The following FRMD4A variants were observed in gnomAD, a reference collection of about 807,000 sequenced individuals.
FRMD4A encodes the protein FERM domain containing 4A, also known as FERM domain-containing protein 4A.
In FRMD4A, 29 loss-of-function variants were observed where a neutral mutation model predicts 129.1. The ratio of observed to expected loss-of-function variants is 0.22; its 90% confidence interval spans 0.17 to 0.31. The LOEUF (loss-of-function observed/expected upper bound fraction) is 0.31. FRMD4A is among the 10% of genes least tolerant of loss of function. The pLI, the probability that FRMD4A is intolerant of heterozygous loss-of-function variation, is 1.00. For synonymous variants in FRMD4A, 634 were observed against 571.6 expected (o/e 1.11, Z -1.56); for missense variants, 1,272 against 1,375.8 (o/e 0.92, Z 1.19).
At chr10:13,809,085 A>G (rs1429019406) in intron 4 of FRMD4A, among the ~76,000 whole-genome samples, 1 of 152,206 alleles carries the variant, frequency 6.6e-6, no homozygotes, top group Non-Finnish European at 1.5e-5. Context: ...GGGGAAGCTG[A>G]ACTTGGGTGT....
chr10:13,979,306 T>A (rs138544365), intron 2 of FRMD4A, among the ~76,000 whole-genome samples: 8 of 152,236 alleles, frequency 5.3e-5, no homozygotes, highest in African/African-American at 1.9e-4. Flanking sequence ...GAGGTCTGCT[T>A]GCTTGAGAAA....
chr10:14,153,069 C>G (rs1589086548), intron 2 of FRMD4A, among the ~76,000 whole-genome samples: 1 of 152,326 alleles, frequency 6.6e-6, no homozygotes, highest in South Asian at 2.1e-4. Flanking sequence ...AGCTGCCCTA[C>G]TGCCCTACTG....
intron 4 of FRMD4A, among the ~76,000 whole-genome samples, chr10:13,801,256 G>A (rs2093248037): frequency 6.6e-6 from 1 of 151,908 alleles, no homozygotes; most frequent in South Asian, 2.1e-4. Flanking sequence ...ACTGACAACA[G>A]AGTGGGGCCC....
chr10:13,878,222 CA>C lies in FRMD4A; in HGVS notation c.46-19311del, dbSNP rs34559071. Reference sequence around the variant, plus strand: ...TAATTACTGTGTTGACTACTTGTAGCAAAAAAAAAAAAAAAAAAAAAGCTGA... The same window carrying C: ...TAATTACTGTGTTGACTACTTGTAGCAAAAAAAAAAAAAAAAAAAAGCTGA... On this transcript the variant is annotated intron_variant, in intron 2 of 24. Coordinates refer to ENST00000357447, the MANE Select transcript of FRMD4A (RefSeq NM_018027.5). Among the ~76,000 whole-genome samples the C allele has an allele frequency of 9.4e-3, 855 of 91,324 alleles. 4 individuals carry two copies. Among genetic ancestry groups the C allele is most frequent in the South Asian group, 0.019 (43 of 2,216 alleles). 59.9% of individuals were successfully genotyped at this position (91,324 alleles called of 152,430 possible). A position where few individuals can be genotyped will look rare whatever the true frequency, so the allele number is the denominator to read the frequency against.
In FRMD4A at chr10:14,291,839, A is replaced by G. The variant is rs548085905; in HGVS notation, c.45+38219T>C. ...ATATAGGAATTGGAATTATATTATT[A>G]TTAATATAAAACTCAAAAGAATTAG... On this transcript the variant is annotated intron_variant, in intron 2 of 24. Coordinates refer to ENST00000357447, the MANE Select transcript of FRMD4A (RefSeq NM_018027.5). 2.6e-5 allele frequency among the ~76,000 whole-genome samples: 4 copies of G among 151,968 alleles called. No homozygotes were observed. In the South Asian group the frequency reaches 8.3e-4, roughly 31 times the overall value.
At chr10:13,974,240 T>C (rs1470489172) in intron 2 of FRMD4A, among the ~76,000 whole-genome samples, 1 of 152,174 alleles carries the variant, frequency 6.6e-6, no homozygotes, top group Non-Finnish European at 1.5e-5. Context: ...AGTATAAAGG[T>C]GCTATAATAA....
chr10:13,659,875 A>AC (rs1564539712), intron 20 of FRMD4A, among the ~76,000 whole-genome samples: 1 of 148,862 alleles, frequency 6.7e-6, no homozygotes, highest in African/African-American at 2.5e-5. Flanking sequence ...CCCAAAAAAA[A>AC]CCTCCCTACA....
chr10:13,690,997 T>C (rs2085634443), intron 15 of FRMD4A, among the ~76,000 whole-genome samples: 1 of 152,162 alleles, frequency 6.6e-6, no homozygotes, highest in African/African-American at 2.4e-5. Context: ...TTTGTGTGTG[T>C]GTGTGAGAGA....
At chr10:13,914,309 T>C (rs2094976171) in intron 2 of FRMD4A, among the ~76,000 whole-genome samples, 1 of 152,206 alleles carries the variant, frequency 6.6e-6, no homozygotes, top group East Asian at 1.9e-4. Flanking sequence ...ATACAAGGAA[T>C]GTCAATTTCT....
intron 2 of FRMD4A, among the ~76,000 whole-genome samples, chr10:14,189,983 A>C (rs1279550309): frequency 1.3e-5 from 2 of 152,218 alleles, no homozygotes; most frequent in Admixed American, 1.3e-4. Flanking sequence ...TAAAACATGA[A>C]GCACCTTGAT....
At chr10:13,899,774 ACAGGC>A (rs1436986435) in intron 2 of FRMD4A, among the ~76,000 whole-genome samples, 6 of 152,206 alleles carry the variant, frequency 3.9e-5, no homozygotes, top group African/African-American at 1.4e-4. Context: ...CTTGCCTGCC[ACAGGC>A]TGTACATGTG....
At chr10:14,026,493 G>A (rs1832991057) in intron 2 of FRMD4A, among the ~76,000 whole-genome samples, 1 of 152,130 alleles carries the variant, frequency 6.6e-6, no homozygotes, top group Non-Finnish European at 1.5e-5. Flanking sequence ...GGCCTCTAAT[G>A]GAAGAATTAG....
chr10:14,206,809 C>CAAAA (rs57029013), intron 2 of FRMD4A, among the ~76,000 whole-genome samples: 11 of 43,062 alleles, frequency 2.6e-4, no homozygotes, highest in African/African-American at 5.3e-4. Context: ...GACGCTATCT[C>CAAAA]AAAAAAAAAA....
intron 2 of FRMD4A, among the ~76,000 whole-genome samples, chr10:14,014,126 C>T (rs2095690677): frequency 6.6e-6 from 1 of 151,998 alleles, no homozygotes; most frequent in Non-Finnish European, 1.5e-5. Flanking sequence ...ACCCATGGTT[C>T]CCACTGCAGC....
At chr10:14,077,560 A>G (rs1835685220) in intron 2 of FRMD4A, among the ~76,000 whole-genome samples, 1 of 152,040 alleles carries the variant, frequency 6.6e-6, no homozygotes, top group South Asian at 2.1e-4. Flanking sequence ...CCATTTCTGC[A>G]CCCCCTTCCA....
chr10:13,712,974 A>G (rs1168128402), intron 12 of FRMD4A, among the ~76,000 whole-genome samples: 1 of 152,222 alleles, frequency 6.6e-6, no homozygotes, highest in Non-Finnish European at 1.5e-5. Flanking sequence ...CTCCCCAGCC[A>G]GCATTTATGG....
intron 2 of FRMD4A, among the ~76,000 whole-genome samples, chr10:13,866,837 A>G (rs1333458051): frequency 2.0e-5 from 3 of 152,172 alleles, no homozygotes; most frequent in Non-Finnish European, 4.4e-5. Flanking sequence ...AATCCCAACT[A>G]CTGGGGAGGA....
intron 12 of FRMD4A, among the ~76,000 whole-genome samples, chr10:13,730,859 C>CAAAAAAAAAAAAAAAAAAAAAAA (rs10639026): frequency 1.1e-5 from 1 of 90,854 alleles, no homozygotes; most frequent in Non-Finnish European, 2.1e-5. Flanking sequence ...ACTAAAAATA[C>CAAAAAAAAAAAAAAAAAAAAAAA]AAAAAAAAAA....
chr10:13,814,607 AGAAAGAAAGGGAAAGAGAGAGAG>A (rs2093507587), intron 3 of FRMD4A, among the ~76,000 whole-genome samples: 1 of 124,234 alleles, frequency 8.0e-6, no homozygotes, highest in Non-Finnish European at 1.7e-5. Flanking sequence ...AAAAAAAAAA[AGAAAGAAAGGGAAAGAGAGAGAG>A]AAAAAAAAGA....
Sources: allele counts gnomAD v4.1 joint callset (sites outside exome capture counted in the v4.1 genomes callset), GRCh38; gene constraint gnomAD v4.1.1; transcripts MANE v1.5; gene names NCBI Gene and HGNC (gene_info 2026-07-23, HGNC 2026-07-21).